Variants in PCLO observed in about 807,000 individuals in gnomAD.
The protein encoded by PCLO is piccolo presynaptic cytomatrix protein, also known as protein piccolo.
A neutral mutation model predicts 427.5 loss-of-function variants in PCLO; 82 were observed. That is an observed-to-expected ratio of 0.19 (90% CI 0.16 to 0.23). The LOEUF (loss-of-function observed/expected upper bound fraction) is 0.23, where lower values mean the gene tolerates loss of function less well. Among genes scored for constraint, PCLO ranks in the 10% least tolerant of loss-of-function variants. The pLI is 1.00. For missense variants in PCLO, 6,239 were observed against 6,115.9 expected (o/e 1.02, Z -0.67); for synonymous variants, 2,357 against 2,155.4 (o/e 1.09, Z -2.59).
intron 9 of PCLO, among the ~76,000 whole-genome samples, chr7:82,894,036 A>G (rs528670478): frequency 6.6e-6 from 1 of 152,006 alleles, no homozygotes; most frequent in South Asian, 2.1e-4. Context: ...AAAATCTTAT[A>G]CAATCAAAAC....
At chr7:83,118,712 T>C (rs1791197620) in intron 3 of PCLO, among the ~76,000 whole-genome samples, 1 of 152,148 alleles carries the variant, frequency 6.6e-6, no homozygotes, top group Non-Finnish European at 1.5e-5. Flanking sequence ...GAGTTCTTAC[T>C]AACCCCACTA....
At chr7:82,778,764 T>A (rs1380477217) in intron 22 of PCLO, among the ~76,000 whole-genome samples, 3 of 152,104 alleles carry the variant, frequency 2.0e-5, no homozygotes, top group Admixed American at 6.5e-5. Context: ...CAATTTTTTT[T>A]ATAAATAAAG....
chr7:82,974,523 T>C (rs1196546352), intron 3 of PCLO, among the ~76,000 whole-genome samples: 1 of 152,212 alleles, frequency 6.6e-6, no homozygotes, highest in African/African-American at 2.4e-5. Context: ...TGCATTGATT[T>C]TAGCTAACTT....
At chr7:82,941,818 A>G (rs1795093715) in intron 6 of PCLO, among the ~76,000 whole-genome samples, 1 of 152,154 alleles carries the variant, frequency 6.6e-6, no homozygotes, top group South Asian at 2.1e-4. Flanking sequence ...TCATTTTTCC[A>G]GTAAGAATTA....
chr7:83,154,230 T>C (rs1162691639), intron 2 of PCLO, among the ~76,000 whole-genome samples: 1 of 152,222 alleles, frequency 6.6e-6, no homozygotes, highest in African/African-American at 2.4e-5. Flanking sequence ...ATACTGTTAT[T>C]AAGGACTCTC....
At chr7:82,790,711 C>T (rs536176313) in intron 22 of PCLO, among the ~76,000 whole-genome samples, 2 of 152,088 alleles carry the variant, frequency 1.3e-5, no homozygotes, top group African/African-American at 2.4e-5. Context: ...GATCCAGCTG[C>T]GCTTGTGAAA....
At chr7:82,863,981 T>C (rs1194963915) in intron 10 of PCLO, among the ~76,000 whole-genome samples, 1 of 152,038 alleles carries the variant, frequency 6.6e-6, no homozygotes, top group Non-Finnish European at 1.5e-5. Context: ...GTAAAATAGA[T>C]AGGGTAAGCA....
intron 3 of PCLO, among the ~76,000 whole-genome samples, chr7:83,104,688 CA>C (rs1790811579): frequency 6.6e-6 from 1 of 151,876 alleles, no homozygotes; most frequent in African/African-American, 2.4e-5. Context: ...TTAAAGTTTA[CA>C]ATATAATAGT....
In PCLO at chr7:82,984,310, T is replaced by C. The variant is rs1035401754; in HGVS notation, c.3301-17823A>G. Among the ~76,000 whole-genome samples the C allele has an allele frequency of 3.3e-5, 5 of 152,032 alleles. No individual in the cohort carries two copies. The East Asian group carries it at 9.7e-4, about 29-fold the overall frequency. Reference sequence around the variant, plus strand: ...TAATTATTCAATCATTACCTCTCATTAACAATTATTATCTTGAATTATTAC... The same window carrying C: ...TAATTATTCAATCATTACCTCTCATCAACAATTATTATCTTGAATTATTAC... On this transcript the variant is annotated intron_variant, in intron 3 of 24. Transcript: ENST00000333891.
chr7:83,021,074 A>T (rs114051053), intron 3 of PCLO, among the ~76,000 whole-genome samples: 3,104 of 152,288 alleles, frequency 0.02, 101 homozygotes, highest in African/African-American at 0.07. Context: ...AAGAGACTGA[A>T]TCACCAAAGA....
At chr7:83,097,029 AAT>A (rs1452541622) in intron 3 of PCLO, among the ~76,000 whole-genome samples, 1 of 31,218 alleles carries the variant, frequency 3.2e-5, no homozygotes, top group African/African-American at 1.5e-4. Context: ...ATATTATATA[AAT>A]ATATATTATA....
At chr7:82,919,217 C>G (rs1016120083) in intron 6 of PCLO, among the ~76,000 whole-genome samples, 4 of 151,806 alleles carry the variant, frequency 2.6e-5, no homozygotes, top group Non-Finnish European at 5.9e-5. Context: ...GCACATGTAT[C>G]CCAGAACTTA....
At chr7:83,006,946 C>T (rs1214812321) in intron 3 of PCLO, among the ~76,000 whole-genome samples, 1 of 151,380 alleles carries the variant, frequency 6.6e-6, no homozygotes, top group Non-Finnish European at 1.5e-5. Flanking sequence ...TTACCATTTG[C>T]CACATTATAG....
rs150182646 is a variant in PCLO at position 83,140,186 on chromosome 7, C to T, written c.1894-4530G>A. Among the ~76,000 whole-genome samples, 673 of 152,090 alleles carry T rather than the reference C, an allele frequency of 4.4e-3. 3 individuals carry two copies. The highest frequency in any genetic ancestry group is 6.4e-3 in the Non-Finnish European group (437 of 67,986). Reference sequence around the variant, plus strand: ...ATCTCATAATATTTTTGCCACATTCCGATTTATTCTGAAGTGGGTCTGGAT... The same window carrying T: ...ATCTCATAATATTTTTGCCACATTCTGATTTATTCTGAAGTGGGTCTGGAT... On this transcript the variant is annotated intron_variant, in intron 2 of 24. Transcript: ENST00000333891.
At chr7:82,840,028 ATT>A (rs1373874210) in intron 14 of PCLO, among the ~76,000 whole-genome samples, 6 of 152,070 alleles carry the variant, frequency 3.9e-5, no homozygotes, top group Admixed American at 1.3e-4. Context: ...GCAAAATAAA[ATT>A]AGAAAAAACA....
At chr7:82,806,552 G>T (rs1271095345) in intron 20 of PCLO, among the ~76,000 whole-genome samples, 1 of 152,092 alleles carries the variant, frequency 6.6e-6, no homozygotes, top group Non-Finnish European at 1.5e-5. Flanking sequence ...ATTGTTGTCA[G>T]ATTTGAGAAG....
chr7:82,778,153 G>A (rs1459399855), intron 22 of PCLO, among the ~76,000 whole-genome samples: 1 of 152,012 alleles, frequency 6.6e-6, no homozygotes, highest in Non-Finnish European at 1.5e-5. Context: ...CAGCCAACGA[G>A]CATATGAAAA....
intron 2 of PCLO, 45 bp downstream of exon 2, chr7:83,154,703 A>C: frequency 7.3e-7 from 1 of 1,363,976 alleles, no homozygotes; most frequent in Non-Finnish European, 1.0e-6. Flanking sequence ...GTATAAGAGG[A>C]TGATATGGCT....
intron 3 of PCLO, among the ~76,000 whole-genome samples, chr7:83,067,312 G>A (rs1333612990): frequency 1.3e-5 from 2 of 152,144 alleles, no homozygotes; most frequent in East Asian, 3.9e-4. Context: ...GGATTTCCTA[G>A]TTAGGAGCTT....
Sources: gnomAD v4.1 joint callset for allele counts (sites outside exome capture counted in the v4.1 genomes callset) on GRCh38, gnomAD v4.1.1 for gene constraint, MANE v1.5 for transcripts, NCBI Gene and HGNC (gene_info 2026-07-23, HGNC 2026-07-21) for gene names.